The following ZNF236 variants were observed in gnomAD, a reference collection of about 807,000 sequenced individuals.
The protein encoded by ZNF236 is zinc finger protein 236.
In ZNF236, 50 loss-of-function variants were observed where a neutral mutation model predicts 191.2. That is an observed-to-expected ratio of 0.26 (90% CI 0.21 to 0.33). The LOEUF (loss-of-function observed/expected upper bound fraction) is 0.33, where lower values mean the gene tolerates loss of function less well. ZNF236 is among the 10% of genes least tolerant of loss of function. The pLI is 1.00. For synonymous variants in ZNF236, 907 were observed against 928.8 expected (o/e 0.98, Z 0.43); for missense variants, 1,754 against 2,374.5 (o/e 0.74, Z 5.43).
Position 76,913,785 on chromosome 18 carries a change from A to C in ZNF236, c.2948A>C (p.His983Pro). The C allele has an allele frequency of 6.2e-7, 1 of 1,614,236 alleles. No individual in the cohort carries two copies. Among genetic ancestry groups the C allele is most frequent in the Non-Finnish European group, 8.5e-7 (1 of 1,180,034 alleles). ...YCNKGFKKSS[H>P]LKQHVRSHTG... ...AACAAAGGCTTTAAGAAGTCCAGCC[A>C]CCTGAAGCAGCATGTGCGGTCGCAC... is the stretch of plus-strand genomic sequence containing the variant. Residue 983 changes from histidine (H) to proline (P), a missense_variant, in exon 18 of 31, where the codon CAC becomes CCC. His to Pro is a moderately conservative substitution (Grantham distance 77). Around this residue, in one of 5 missense-constraint regions of ZNF236, gnomAD observed 641 missense variants for 869.6 expected, o/e 0.74. Coordinates refer to ENST00000320610, the MANE Select transcript of ZNF236 (RefSeq NM_001306089.2).
At position 76,968,754 on chromosome 18, in the gene ZNF236, A is replaced by C. The variant is rs1168840566; in HGVS notation, c.*415A>C. 1.0e-6 allele frequency: 1 copy of C among 995,424 alleles called. No homozygotes were observed. Among genetic ancestry groups the C allele is most frequent in the African/African-American group, 1.7e-5 (1 of 57,326 alleles). 61.7% of individuals were successfully genotyped at this position (995,424 alleles called of 1,614,324 possible). A position where few individuals can be genotyped will look rare whatever the true frequency, so the allele number is the denominator to read the frequency against. On this transcript the variant is annotated 3_prime_UTR_variant, in exon 31 of 31. Coordinates refer to ENST00000320610, the MANE Select transcript of ZNF236 (RefSeq NM_001306089.2). ...CTGGTTATAAGAAGCATAGCTTACA[A>C]AGCAAGCGTAAGATTGAGGCATGAA...
rs1339643041 is a variant in ZNF236 at position 76,971,079 on chromosome 18, A to G, written c.*2740A>G. The stretch of plus-strand genomic sequence containing the variant: ...CTGCTTGTGTGCTCAAGTAACCATG[A>G]AGCACTGAAGCTGAAAGAATGAATT... On this transcript the variant is annotated 3_prime_UTR_variant, in exon 31 of 31. Coordinates refer to ENST00000320610, the MANE Select transcript of ZNF236 (RefSeq NM_001306089.2). Among the ~76,000 whole-genome samples, 4 of 152,230 alleles carry G rather than the reference A, an allele frequency of 2.6e-5. No homozygotes were observed. Among genetic ancestry groups the G allele is most frequent in the Non-Finnish European group, 4.4e-5 (3 of 68,032 alleles).
At chr18:76,946,586 T>C (rs868790210) in intron 26 of ZNF236, among the ~76,000 whole-genome samples, 1 of 152,226 alleles carries the variant, frequency 6.6e-6, no homozygotes, top group Non-Finnish European at 1.5e-5. Context: ...GTGTAAAATA[T>C]GTTTAGAATC....
At chr18:76,852,695 A>G (rs948838101) in intron 3 of ZNF236, among the ~76,000 whole-genome samples, 5 of 152,028 alleles carry the variant, frequency 3.3e-5, no homozygotes, top group Admixed American at 6.6e-5. Context: ...TTATTACTGT[A>G]GAAAATTAGG....
rs1198589496 is a variant in ZNF236 at position 76,961,709 on chromosome 18, A to G, written c.5419+854A>G. 2.1e-5 allele frequency among the ~76,000 whole-genome samples: 3 copies of G among 144,522 alleles called. No homozygotes were observed. In the South Asian group the frequency reaches 6.9e-4, roughly 33 times the overall value. 94.8% of individuals were successfully genotyped at this position (144,522 alleles called of 152,430 possible). Reference sequence around the variant, plus strand: ...TGTGGAAGTATTCCCTGTTCACCACATCCATGCTAGCATGTACTATTTTTT... The same window carrying G: ...TGTGGAAGTATTCCCTGTTCACCACGTCCATGCTAGCATGTACTATTTTTT... On this transcript the variant is annotated intron_variant, in intron 30 of 30. Coordinates refer to ENST00000320610, the MANE Select transcript of ZNF236 (RefSeq NM_001306089.2).
rs1044931833 is a variant in ZNF236 at position 76,967,020 on chromosome 18, C to T, written c.5420-1195C>T. ...TTTGGTTGTTGGAGGTGATGTGATT[C>T]GTGAAATGTGTTATTTGGTTGTTGG... On this transcript the variant is annotated intron_variant, in intron 30 of 30. Transcript: ENST00000320610. 2.1e-4 allele frequency among the ~76,000 whole-genome samples: 32 copies of T among 151,014 alleles called. 1 individual carries two copies. The highest frequency in any genetic ancestry group is 1.4e-3 in the East Asian group (7 of 5,110).
chr18:76,956,593 C>T (rs1968531239), intron 28 of ZNF236, among the ~76,000 whole-genome samples: 1 of 152,216 alleles, frequency 6.6e-6, no homozygotes, highest in Non-Finnish European at 1.5e-5. Context: ...CATGTGTGCT[C>T]ACCCTGGGGA....
At chr18:76,966,610 C>T (rs139431993) in intron 30 of ZNF236, among the ~76,000 whole-genome samples, 2 of 152,280 alleles carry the variant, frequency 1.3e-5, no homozygotes, top group East Asian at 1.9e-4. Context: ...GGTGCTGTCT[C>T]GGTGCTCAGG....
chr18:76,914,824 C>G (rs1341153002), intron 18 of ZNF236, among the ~76,000 whole-genome samples: 2 of 152,094 alleles, frequency 1.3e-5, no homozygotes, highest in Non-Finnish European at 2.9e-5. Flanking sequence ...ATTCTGTTAT[C>G]TGTTACATAT....
rs375347439 is a variant in ZNF236, at chr18:76,956,079, C to T, written c.5009C>T (p.Ser1670Leu). ...QCLECDRAFS[S>L]AAVLMHHSKE... ...CTGGAGTGTGACCGCGCCTTCTCAT[C>T]GGCGGCGGTGCTCATGCACCACAGC... is the stretch of plus-strand genomic sequence containing the variant. The change falls in exon 28 of 31, where the codon TCG (serine) becomes TTG (leucine). Residue 1670 changes from serine to leucine, a missense_variant. Transcript: ENST00000320610. The T allele has an allele frequency of 1.7e-5, 27 of 1,598,170 alleles. No individual in the cohort carries two copies. The highest frequency in any genetic ancestry group is 8.6e-5 in the Admixed American group (5 of 58,004).
chr18:76,833,046 T>C (rs1975218585), intron 1 of ZNF236, among the ~76,000 whole-genome samples: 1 of 152,246 alleles, frequency 6.6e-6, no homozygotes, highest in African/African-American at 2.4e-5. Flanking sequence ...ACAATTGGTT[T>C]TTAAAAATTG....
At chr18:76,943,573 G>C (rs1434788622) in intron 26 of ZNF236, among the ~76,000 whole-genome samples, 1 of 152,148 alleles carries the variant, frequency 6.6e-6, no homozygotes, top group African/African-American at 2.4e-5. Flanking sequence ...CAGATAATTG[G>C]TCAGGTGCAA....
chr18:76,946,878 G>A (rs1220444410), intron 26 of ZNF236, among the ~76,000 whole-genome samples: 3 of 152,198 alleles, frequency 2.0e-5, no homozygotes, highest in Non-Finnish European at 2.9e-5. Context: ...ACTCTGAGAT[G>A]TAATTTATAT....
chr18:76,904,329 G>A (rs375566535), intron 11 of ZNF236, 51 bp from the exon 12 acceptor site: 14 of 1,525,804 alleles, frequency 9.2e-6, no homozygotes, highest in African/African-American at 4.2e-5. Flanking sequence ...ACATTTAATT[G>A]TATTACTAGC....
intron 1 of ZNF236, among the ~76,000 whole-genome samples, chr18:76,832,665 T>C (rs1436627903): frequency 6.6e-6 from 1 of 152,038 alleles, no homozygotes; most frequent in Non-Finnish European, 1.5e-5. Flanking sequence ...GAAATATAAG[T>C]CCTCCATTTA....
At chr18:76,912,568 C>T (rs76857035) in intron 17 of ZNF236, among the ~76,000 whole-genome samples, 3,714 of 152,276 alleles carry the variant, frequency 0.024, 158 homozygotes, top group African/African-American at 0.084. Context: ...GATTTGGATA[C>T]GGCAGTCTTC....
intron 1 of ZNF236, among the ~76,000 whole-genome samples, chr18:76,836,553 G>T (rs961302214): frequency 6.6e-6 from 1 of 151,534 alleles, no homozygotes; most frequent in Admixed American, 6.6e-5. Context: ...GATTCACAAA[G>T]GTTTTATTTT....
chr18:76,835,087 A>G (rs1975283872), intron 1 of ZNF236, among the ~76,000 whole-genome samples: 1 of 151,934 alleles, frequency 6.6e-6, no homozygotes, highest in Admixed American at 6.6e-5. Flanking sequence ...GCTATTGGCA[A>G]TTCTACAGTT....
At chr18:76,882,714 T>G (rs1976933416) in intron 9 of ZNF236, among the ~76,000 whole-genome samples, 1 of 152,294 alleles carries the variant, frequency 6.6e-6, no homozygotes, top group South Asian at 2.1e-4. Context: ...AGGCTCTTCT[T>G]CCCCTTGATC....
Sources: gnomAD v4.1 joint callset for allele counts (sites outside exome capture counted in the v4.1 genomes callset) on GRCh38, gnomAD v4.1.1 for gene constraint, gnomAD v4.1.1 regional missense constraint, MANE v1.5 for transcripts, NCBI Gene and HGNC (gene_info 2026-07-23, HGNC 2026-07-21) for gene names.